PRKD1: variants seen among roughly 807,000 people sequenced by gnomAD.
The protein encoded by PRKD1 is serine/threonine-protein kinase D1.
PRKD1 carries 63 observed loss-of-function variants against 95.9 expected under a neutral mutation model. The ratio of observed to expected loss-of-function variants is 0.66; its 90% CI spans 0.54 to 0.81. The LOEUF is 0.81. Ranked by LOEUF, PRKD1 falls within the 30% of genes least tolerant of loss-of-function variation. PRKD1 has a pLI of 0.00. For synonymous variants in PRKD1, 425 were observed against 423.1 expected (o/e 1.00, Z -0.05); for missense variants, 1,048 against 1,165.3 (o/e 0.90, Z 1.47).
chr14:29,635,804 T>C (rs17115113), intron 7 of PRKD1, among the ~76,000 whole-genome samples: 66,916 of 151,888 alleles, frequency 0.44, 16,110 homozygotes, highest in African/African-American at 0.64. Flanking sequence ...AAAGTGGGGA[T>C]CATCCAGTAA....
At chr14:29,678,631 A>G (rs986144455) in intron 2 of PRKD1, among the ~76,000 whole-genome samples, 2 of 152,196 alleles carry the variant, frequency 1.3e-5, no homozygotes, top group African/African-American at 2.4e-5. Flanking sequence ...TCAAACTCAA[A>G]TTTCAAAGAG....
intron 1 of PRKD1, 125 bp downstream of exon 1, chr14:29,927,124 A>C (rs984302036): frequency 4.7e-6 from 5 of 1,065,220 alleles, no homozygotes; most frequent in Non-Finnish European, 5.9e-6. Context: ...CCGCTTCCAG[A>C]GCGCCGGCGA....
intron 1 of PRKD1, among the ~76,000 whole-genome samples, chr14:29,798,103 A>ATTT (rs1729009665): frequency 6.6e-6 from 1 of 152,226 alleles, no homozygotes; most frequent in Non-Finnish European, 1.5e-5. Context: ...AGTTGTGAAG[A>ATTT]TGTCAACAGA....
chr14:29,856,549 A>G (rs1892511825), intron 1 of PRKD1, among the ~76,000 whole-genome samples: 1 of 152,254 alleles, frequency 6.6e-6, no homozygotes, highest in African/African-American at 2.4e-5. Context: ...TTTATCTGTC[A>G]GTAAAATCTG....
intron 13 of PRKD1, among the ~76,000 whole-genome samples, chr14:29,609,265 T>C (rs1878249057): frequency 6.6e-6 from 1 of 152,182 alleles, no homozygotes; most frequent in Non-Finnish European, 1.5e-5. Flanking sequence ...AGCATCTCCA[T>C]TAACTGCTAA....
At chr14:29,863,237 T>A (rs1892769898) in intron 1 of PRKD1, among the ~76,000 whole-genome samples, 1 of 152,204 alleles carries the variant, frequency 6.6e-6, no homozygotes, top group Admixed American at 6.5e-5. Context: ...CCCTTTAGTA[T>A]CCTTTCAATA....
intron 1 of PRKD1, among the ~76,000 whole-genome samples, chr14:29,753,286 C>T (rs1887559225): frequency 6.6e-6 from 1 of 152,008 alleles, no homozygotes; most frequent in Non-Finnish European, 1.5e-5. Context: ...AATGAGTATC[C>T]ACTATCTGCA....
chr14:29,889,320 G>C (rs1161244542), intron 1 of PRKD1, among the ~76,000 whole-genome samples: 1 of 152,192 alleles, frequency 6.6e-6, no homozygotes, highest in Non-Finnish European at 1.5e-5. Flanking sequence ...TGACGCAGAA[G>C]ATGGGTGATT....
chr14:29,594,115 C>A lies in PRKD1; in HGVS notation c.2434+3376G>T, dbSNP rs116872366. 89 of 455,274 alleles carry A rather than the reference C, an allele frequency of 2.0e-4. No individual in the cohort carries two copies. The East Asian group carries it at 5.6e-3, about 29-fold the overall frequency. The allele number at this position is 455,274 out of a possible 1,614,324, so 28.2% of individuals were successfully genotyped here. On this transcript the variant is annotated intron_variant, in intron 16 of 17. Transcript: ENST00000331968. ...GGATTGCTGTGAGGATCAAGCAGTG[C>A]AATGACTACTCAAGCACCCCAAGAT...
intron 1 of PRKD1, among the ~76,000 whole-genome samples, chr14:29,903,506 A>G (rs1894392611): frequency 6.6e-6 from 1 of 152,230 alleles, no homozygotes; most frequent in Non-Finnish European, 1.5e-5. Context: ...ATAGAGAACC[A>G]CATGCCATAA....
intron 1 of PRKD1, among the ~76,000 whole-genome samples, chr14:29,743,212 A>T (rs538777958): frequency 6.6e-6 from 1 of 152,158 alleles, no homozygotes; most frequent in African/African-American, 2.4e-5. Flanking sequence ...GCTTGTGAAT[A>T]GGCCGGTAAC....
intron 1 of PRKD1, among the ~76,000 whole-genome samples, chr14:29,799,002 C>A (rs1240468524): frequency 6.6e-6 from 1 of 152,150 alleles, no homozygotes; most frequent in Non-Finnish European, 1.5e-5. Context: ...GGTGGGAGTA[C>A]CTCCACGATT....
intron 1 of PRKD1, among the ~76,000 whole-genome samples, chr14:29,910,570 A>T (rs12323399): frequency 6.6e-6 from 1 of 152,194 alleles, no homozygotes; most frequent in Non-Finnish European, 1.5e-5. Context: ...AAGAAAGATT[A>T]TGAAAGTGTA....
chr14:29,827,064 C>T (rs1266482309), intron 1 of PRKD1, among the ~76,000 whole-genome samples: 1 of 150,484 alleles, frequency 6.6e-6, no homozygotes, highest in Non-Finnish European at 1.5e-5. Context: ...AATGGACTTT[C>T]AGGACTCTGG....
chr14:29,695,924 A>C (rs1264173499), intron 2 of PRKD1, among the ~76,000 whole-genome samples: 1 of 152,202 alleles, frequency 6.6e-6, no homozygotes, highest in Non-Finnish European at 1.5e-5. Flanking sequence ...TTTACAATAA[A>C]TGTAAAATGG....
intron 1 of PRKD1, among the ~76,000 whole-genome samples, chr14:29,889,386 G>A (rs528514923): frequency 1.2e-4 from 19 of 152,308 alleles, no homozygotes; most frequent in African/African-American, 4.6e-4. Context: ...TTGGACAGTA[G>A]GTGCAGCCCA....
Position 29,861,006 on chromosome 14 carries a change from T to C in PRKD1, c.264+66243A>G, listed in dbSNP as rs1401768664. Reference sequence around the variant, plus strand: ...AATATACCAGTCCAATTTTCGAACCTAGATGAAATGGACCTCCCCTTCCAT... The same window carrying C: ...AATATACCAGTCCAATTTTCGAACCCAGATGAAATGGACCTCCCCTTCCAT... On this transcript the variant is annotated intron_variant, in intron 1 of 17. Transcript: ENST00000331968. 3.9e-5 allele frequency among the ~76,000 whole-genome samples: 6 copies of C among 152,310 alleles called. No individual in the cohort carries two copies. In the East Asian group the frequency reaches 9.7e-4, roughly 25 times the overall value.
At chr14:29,765,511 T>C (rs927102339) in intron 1 of PRKD1, among the ~76,000 whole-genome samples, 11 of 152,274 alleles carry the variant, frequency 7.2e-5, no homozygotes, top group Middle Eastern at 3.4e-3. Context: ...ACATATGCTA[T>C]AGAAGTTCCA....
rs562001471 is a variant in PRKD1, at chr14:29,667,325, A to T, written c.404-1117T>A. ...AAATTTAAACTTCCATTAATGTAAGAACAGAACCATATGAACTTAACTTTG... is the reference window on the plus strand; with the variant it reads ...AAATTTAAACTTCCATTAATGTAAGTACAGAACCATATGAACTTAACTTTG... On this transcript the variant is annotated intron_variant, in intron 2 of 17. Transcript: ENST00000331968. 5.3e-5 allele frequency among the ~76,000 whole-genome samples: 8 copies of T among 152,330 alleles called. No homozygotes were observed. The East Asian group carries it at 1.5e-3, about 29-fold the overall frequency.
Sources: gnomAD v4.1 joint callset for allele counts (sites outside exome capture counted in the v4.1 genomes callset) on GRCh38, gnomAD v4.1.1 for gene constraint, MANE v1.5 for transcripts, NCBI Gene and HGNC (gene_info 2026-07-23, HGNC 2026-07-21) for gene names.